Variants in LIMCH1 observed in about 807,000 individuals in gnomAD.
LIMCH1 encodes the protein LIM and calponin homology domains 1.
In LIMCH1, 113 loss-of-function variants were observed where a neutral mutation model predicts 176.5. That is an observed-to-expected ratio of 0.64 (90% confidence interval 0.55 to 0.75). LIMCH1 has a LOEUF of 0.75. Ranked by LOEUF, LIMCH1 falls within the 30% of genes least tolerant of loss-of-function variation. The pLI is 0.00. For synonymous variants in LIMCH1, 619 were observed against 645.9 expected (o/e 0.96, Z 0.63); for missense variants, 1,674 against 1,814.9 (o/e 0.92, Z 1.41).
rs186177591 is a variant in LIMCH1, at chr4:41,528,656, T to C, written c.237+4178T>C. 2.3e-3 allele frequency among the ~76,000 whole-genome samples: 352 copies of C among 152,236 alleles called. 2 individuals carry two copies. Among genetic ancestry groups the C allele is most frequent in the African/African-American group, 8.2e-3 (339 of 41,542 alleles). ...AAGAAGTCCATAGTAGCAGGGGCCA[T>C]AGAGATCTGAGAAGTGTGGCCAGAG... On this transcript the variant is annotated intron_variant, in intron 3 of 26. Transcript: ENST00000313860.
chr4:41,458,717 T>C (rs1474223115), intron 1 of LIMCH1, among the ~76,000 whole-genome samples: 2 of 134,322 alleles, frequency 1.5e-5, no homozygotes, highest in East Asian at 4.3e-4. Flanking sequence ...GAGGTTGCAG[T>C]AAGCTGAGAT....
At chr4:41,671,412 A>ACG in intron 21 of LIMCH1, 142 bp from the exon 22 acceptor site, 1 of 492,798 alleles carries the variant, frequency 2.0e-6, no homozygotes, top group Non-Finnish European at 3.5e-6. Context: ...ACACACACAC[A>ACG]CACACACACA....
chr4:41,451,543 G>A lies in LIMCH1; in HGVS notation c.97-42993G>A, dbSNP rs73140659. Among the ~76,000 whole-genome samples, 1,042 of 152,152 alleles carry A rather than the reference G, an allele frequency of 6.8e-3. 13 individuals are homozygous for A. The highest frequency in any genetic ancestry group is 0.024 in the African/African-American group (993 of 41,492). On this transcript the variant is annotated intron_variant, in intron 1 of 26. Coordinates refer to the LIMCH1 transcript ENST00000313860. ...CTCTTGAGAGTCTTTCCCACCCCCGGGACCTCTCCTCTCTCCCTTCTCCCC... is the reference window on the plus strand; with the variant it reads ...CTCTTGAGAGTCTTTCCCACCCCCGAGACCTCTCCTCTCTCCCTTCTCCCC...
intron 2 of LIMCH1, among the ~76,000 whole-genome samples, chr4:41,502,385 C>T (rs956971236): frequency 6.6e-6 from 1 of 152,108 alleles, no homozygotes; most frequent in Admixed American, 6.6e-5. Context: ...GTGCCTGTAT[C>T]TTTATAATAG....
At chr4:41,609,517 AG>A (rs2091168263) in intron 4 of LIMCH1, 1 of 402,842 alleles carries the variant, frequency 2.5e-6, no homozygotes. Flanking sequence ...GATCAGGGTG[AG>A]CCACCTTACA....
Position 41,626,937 on chromosome 4 carries a change from G to C in LIMCH1, c.955G>C (p.Gly319Arg), listed in dbSNP as rs1337320039. The C allele has an allele frequency of 1.3e-6, 2 of 1,535,942 alleles. No homozygotes were observed. Among genetic ancestry groups the C allele is most frequent in the African/African-American group, 1.4e-5 (1 of 72,962 alleles). ...QLLYGPYPKK[G>R]AEKSDGSKQL... Reference sequence around the variant, plus strand: ...CCTCTATGGCCCTTATCCAAAGAAAGGGGCAGAGAAATCAGATGGCAGCAA... The same window carrying C: ...CCTCTATGGCCCTTATCCAAAGAAACGGGCAGAGAAATCAGATGGCAGCAA... Residue 319 changes from glycine to arginine, a missense_variant, in exon 8 of 32, where the codon GGG becomes CGG. Gly to Arg is a moderately radical substitution (Grantham distance 125). Around this residue, in one of 3 missense-constraint regions of LIMCH1, gnomAD observed 655 missense variants for 692.2 expected, o/e 0.95. Coordinates refer to ENST00000503057, the MANE Select transcript of LIMCH1 (RefSeq NM_001330672.2).
chr4:41,399,801 C>T (rs1341224940), intron 1 of LIMCH1, among the ~76,000 whole-genome samples: 1 of 143,966 alleles, frequency 6.9e-6, no homozygotes, highest in African/African-American at 2.6e-5. Flanking sequence ...CCTGCTTCAG[C>T]CTCCCGAGTA....
intron 1 of LIMCH1, among the ~76,000 whole-genome samples, chr4:41,380,469 TTTTC>T (rs1207699314): frequency 8.6e-5 from 13 of 151,906 alleles, no homozygotes; most frequent in Non-Finnish European, 1.5e-5. Flanking sequence ...TGATATTTTC[TTTTC>T]TTTCTTTTTT....
chr4:41,535,763 T>C (rs1192053174), upstream of LIMCH1, among the ~76,000 whole-genome samples: 1 of 152,200 alleles, frequency 6.6e-6, no homozygotes, highest in Non-Finnish European at 1.5e-5. Context: ...AAGTCTAATA[T>C]CCTCTTTCTG....
At position 41,485,927 on chromosome 4, in the gene LIMCH1, G is replaced by A. The variant is rs184801359; in HGVS notation, c.97-8609G>A. Among the ~76,000 whole-genome samples, 11 of 152,296 alleles carry A rather than the reference G, an allele frequency of 7.2e-5. No individual in the cohort carries two copies. The East Asian group carries it at 1.9e-3, about 27-fold the overall frequency. ...AAAGACAATAGAATGCAGGCAGTGA[G>A]AAGCAATGATTCTGGCTAAGTTCTG... On this transcript the variant is annotated intron_variant, in intron 1 of 26. Transcript: ENST00000313860.
chr4:41,433,497 C>T (rs1265165061), intron 1 of LIMCH1, among the ~76,000 whole-genome samples: 2 of 151,960 alleles, frequency 1.3e-5, no homozygotes, highest in South Asian at 2.1e-4. Context: ...CAGTTGGTGC[C>T]GGGGCTGGGC....
chr4:41,690,968 G>C (rs1484412549), intron 30 of LIMCH1, among the ~76,000 whole-genome samples: 1 of 152,096 alleles, frequency 6.6e-6, no homozygotes, highest in East Asian at 1.9e-4. Flanking sequence ...TTTAAGATTT[G>C]TAGTTATGCC....
At chr4:41,668,589 T>C (rs888391661) in intron 21 of LIMCH1, among the ~76,000 whole-genome samples, 1 of 152,238 alleles carries the variant, frequency 6.6e-6, no homozygotes, top group South Asian at 2.1e-4. Context: ...CTTCATTCTT[T>C]ACCCAAGTCG....
At chr4:41,582,314 G>A (rs2085637522) in intron 1 of LIMCH1, among the ~76,000 whole-genome samples, 1 of 152,148 alleles carries the variant, frequency 6.6e-6, no homozygotes, top group African/African-American at 2.4e-5. Flanking sequence ...AGGCACACAT[G>A]GAAAACTAGA....
At chr4:41,583,722 A>G (rs2085936780) in intron 1 of LIMCH1, among the ~76,000 whole-genome samples, 1 of 152,092 alleles carries the variant, frequency 6.6e-6, no homozygotes, top group Non-Finnish European at 1.5e-5. Flanking sequence ...TAGGCACCTG[A>G]TAAACTTGAA....
intron 26 of LIMCH1, 55 bp from the exon 27 acceptor site, chr4:41,684,342 G>A (rs191392173): frequency 1.9e-6 from 3 of 1,564,778 alleles, no homozygotes; most frequent in Non-Finnish European, 2.6e-6. Flanking sequence ...GGACCAAGAA[G>A]TTCGATTCAG....
intron 18 of LIMCH1, among the ~76,000 whole-genome samples, chr4:41,661,178 A>T (rs1239792231): frequency 2.6e-5 from 4 of 152,182 alleles, no homozygotes; most frequent in Non-Finnish European, 5.9e-5. Context: ...AAAATGTGGG[A>T]TGTGCGTCCA....
intron 1 of LIMCH1, among the ~76,000 whole-genome samples, chr4:41,538,714 C>T (rs891388678): frequency 6.6e-6 from 1 of 152,150 alleles, no homozygotes; most frequent in African/African-American, 2.4e-5. Context: ...TGTGGTCCAG[C>T]AGCACATGGT....
At chr4:41,438,585 C>T (rs1271981479) in intron 1 of LIMCH1, among the ~76,000 whole-genome samples, 2 of 152,146 alleles carry the variant, frequency 1.3e-5, no homozygotes, top group African/African-American at 2.4e-5. Flanking sequence ...GCGATCTACC[C>T]GCCTCGGCCT....
Sources: allele counts gnomAD v4.1 joint callset (sites outside exome capture counted in the v4.1 genomes callset), GRCh38; gene constraint gnomAD v4.1.1; regional missense constraint gnomAD v4.1.1; transcripts MANE v1.5; gene names NCBI Gene and HGNC (gene_info 2026-07-23, HGNC 2026-07-21).